The following PDE9A variants were observed in gnomAD, a reference collection of about 807,000 sequenced individuals.
PDE9A encodes phosphodiesterase 9A.
A neutral mutation model predicts 87.4 loss-of-function variants in PDE9A; 60 were observed. That is an observed-to-expected ratio of 0.69 (90% CI 0.56 to 0.85). The LOEUF (loss-of-function observed/expected upper bound fraction) is 0.85. Among genes scored for constraint, PDE9A ranks in the 40% least tolerant of loss-of-function variants. The probability of loss-of-function intolerance (pLI) is 0.00; values close to 1 mark genes in which losing one functional copy is unlikely to be tolerated. For synonymous variants in PDE9A, 272 were observed against 279.4 expected, an observed-to-expected ratio of 0.97 and a Z score of 0.27; for missense variants, 665 against 779.0, an observed-to-expected ratio of 0.85 and a Z score of 1.74.
At chr21:42,707,730 A>G (rs1055099006) in intron 4 of PDE9A, among the ~76,000 whole-genome samples, 16 of 152,170 alleles carry the variant, frequency 1.1e-4, no homozygotes, top group Non-Finnish European at 1.8e-4. Context: ...TTTGGATGAA[A>G]TAGCCTTAGG....
intron 7 of PDE9A, among the ~76,000 whole-genome samples, chr21:42,742,457 CTTTTTTTT>C (rs60925435): frequency 1.3e-3 from 94 of 71,542 alleles, no homozygotes; most frequent in African/African-American, 6.3e-3. Flanking sequence ...AAGCTGTCTG[CTTTTTTTT>C]TTTTTTTTTT....
intron 7 of PDE9A, among the ~76,000 whole-genome samples, chr21:42,738,359 A>G (rs1253682583): frequency 2.0e-5 from 3 of 152,198 alleles, no homozygotes; most frequent in Non-Finnish European, 2.9e-5. Flanking sequence ...ACACAACTCT[A>G]TTCATACATG....
rs543839525 is a variant in PDE9A at position 42,698,295 on chromosome 21, T to C, written c.219-673T>C. Among the ~76,000 whole-genome samples the C allele has an allele frequency of 1.2e-4, 18 of 152,336 alleles. No individual in the cohort carries two copies. The South Asian group carries it at 3.7e-3, about 32-fold the overall frequency. ...AACTGCTGGGTCAAGGAATAGCATC[T>C]GCCTGGGGTTAGCCTCACTTGTGTG... On this transcript the variant is annotated intron_variant, in intron 3 of 19. Transcript: ENST00000291539.
Position 42,687,904 on chromosome 21 carries a change from G to A in PDE9A, c.141-13G>A. ...ACTATGGGCGAAAACACGGGCTTGG[G>A]TGTGTTTTCCAGGAACACGACCATC... On this transcript the variant is annotated splice_polypyrimidine_tract_variant and intron_variant, in intron 2 of 19. Transcript: ENST00000291539. 1 of 1,611,836 alleles carries A rather than the reference G, an allele frequency of 6.2e-7. No individual in the cohort carries two copies. Among genetic ancestry groups the A allele is most frequent in the Non-Finnish European group, 8.5e-7 (1 of 1,178,848 alleles).
chr21:42,686,115 C>T, intron 1 of PDE9A, 77 bp from the exon 2 acceptor site: 3 of 1,038,050 alleles, frequency 2.9e-6, no homozygotes, highest in Admixed American at 3.5e-5. Context: ...GGAGCCGAAG[C>T]GGAAGCACGT....
rs771702061 is a variant in PDE9A, at chr21:42,769,077, A to G, written c.1512A>G (p.Arg504=). ...EGLPVAPFMD[R]DKVTKATAQI... is the part of the protein sequence containing the mutation. The stretch of plus-strand genomic sequence containing the variant: ...TTCCTGTGGCACCGTTCATGGACCG[A>G]GACAAAGTGACCAAGGCCACAGCCC... The change falls in exon 17 of 20, where the codon CGA becomes CGG. Residue 504 remains arginine (R), a synonymous_variant. Transcript: ENST00000291539. 3.7e-6 allele frequency: 6 copies of G among 1,613,892 alleles called. No homozygotes were observed. The highest frequency in any genetic ancestry group is 4.2e-6 in the Non-Finnish European group (5 of 1,179,816).
intron 1 of PDE9A, among the ~76,000 whole-genome samples, chr21:42,657,677 C>T (rs1462146437): frequency 6.6e-6 from 1 of 152,186 alleles, no homozygotes; most frequent in African/African-American, 2.4e-5. Context: ...TCTTCCGAAT[C>T]GGGGAAGAGA....
At chr21:42,703,836 A>C (rs2048584853) in intron 4 of PDE9A, among the ~76,000 whole-genome samples, 1 of 152,212 alleles carries the variant, frequency 6.6e-6, no homozygotes, top group Non-Finnish European at 1.5e-5. Flanking sequence ...ATCCTGAGAA[A>C]CACAAAGGCT....
chr21:42,738,971 A>T (rs914011544), intron 7 of PDE9A, among the ~76,000 whole-genome samples: 4 of 152,188 alleles, frequency 2.6e-5, no homozygotes, highest in Non-Finnish European at 4.4e-5. Context: ...GATTATAGGC[A>T]TGAGCCACTG....
intron 4 of PDE9A, among the ~76,000 whole-genome samples, chr21:42,706,195 G>A (rs897753499): frequency 2.6e-5 from 4 of 152,190 alleles, no homozygotes; most frequent in Admixed American, 2.0e-4. Context: ...CAGTCCAGCC[G>A]CAGTCCAGAT....
At position 42,720,607 on chromosome 21, in the gene PDE9A, G is replaced by A. The variant is rs542384126; in HGVS notation, c.263-11163G>A. On this transcript the variant is annotated intron_variant, in intron 4 of 19. Coordinates refer to ENST00000291539, the MANE Select transcript of PDE9A (RefSeq NM_002606.3). Reference sequence around the variant, plus strand: ...GGGAAAGTAAGTGCAGCTCTGTCCCGTCTTTGCAGCTCTAAATAGGAACAT... The same window carrying A: ...GGGAAAGTAAGTGCAGCTCTGTCCCATCTTTGCAGCTCTAAATAGGAACAT... Among the ~76,000 whole-genome samples the A allele has an allele frequency of 3.9e-5, 6 of 152,302 alleles. 1 individual carries two copies. The highest frequency in any genetic ancestry group is 2.0e-4 in the Admixed American group (3 of 15,298).
At position 42,722,856 on chromosome 21, in the gene PDE9A, C is replaced by G. The variant is rs2094008617; in HGVS notation, c.263-8914C>G. Among the ~76,000 whole-genome samples the G allele has an allele frequency of 6.6e-6, 1 of 152,240 alleles. No individual in the cohort carries two copies. Among genetic ancestry groups the G allele is most frequent in the South Asian group, 2.1e-4 (1 of 4,834 alleles). On this transcript the variant is annotated intron_variant, in intron 4 of 19. Transcript: ENST00000291539. The surrounding 1 kb of genome is among the most constrained non-coding windows in gnomAD (Gnocchi z 4.1). ...GCTAGCAATCAGTGAAATCAAATTT[C>G]ATGTCATTCTGCACTGGGTAGACTC...
Position 42,678,084 on chromosome 21 carries a change from G to A in PDE9A, c.70-8108G>A, listed in dbSNP as rs113237710. On this transcript the variant is annotated intron_variant, in intron 1 of 19. Transcript: ENST00000291539. ...GACAAACCCAGCAAGAAATATTCGC[G>A]GCAGCTGCAAGGAAGCTCCTCAAAT... Among the ~76,000 whole-genome samples, 1,405 of 152,304 alleles carry A rather than the reference G, an allele frequency of 9.2e-3. 17 individuals are homozygous for A. Among genetic ancestry groups the A allele is most frequent in the African/African-American group, 0.032 (1,316 of 41,560 alleles).
chr21:42,765,348 C>A (rs1429026743), intron 14 of PDE9A, 33 bp from the exon 15 acceptor site: 2 of 1,255,562 alleles, frequency 1.6e-6, no homozygotes, highest in South Asian at 1.3e-5. Context: ...TCAGACTATA[C>A]CCGTGTTAAC....
rs1569227268 is a variant in PDE9A at position 42,739,953 on chromosome 21, C to T, written c.569-3823C>T. Among the ~76,000 whole-genome samples the T allele has an allele frequency of 2.0e-5, 3 of 152,024 alleles. No homozygotes were observed. In the South Asian group the frequency reaches 6.2e-4, roughly 32 times the overall value. ...AGAAAAACGTGAGCTGCGACAGCAG[C>T]CACTAACATGGGGAAGGGCCGTGAC... On this transcript the variant is annotated intron_variant, in intron 7 of 19. Coordinates refer to ENST00000291539, the MANE Select transcript of PDE9A (RefSeq NM_002606.3). This position sits in a 1 kb window ranked among gnomAD's most constrained non-coding sequence, Gnocchi z 4.1.
At chr21:42,756,598 G>A (rs900337876) in intron 10 of PDE9A, among the ~76,000 whole-genome samples, 19 of 151,932 alleles carry the variant, frequency 1.3e-4, no homozygotes, top group African/African-American at 4.4e-4. Flanking sequence ...TCTATCCTCC[G>A]AGGGCCCAGG....
intron 4 of PDE9A, among the ~76,000 whole-genome samples, chr21:42,715,002 C>A (rs1313664726): frequency 6.6e-6 from 1 of 152,178 alleles, no homozygotes; most frequent in Non-Finnish European, 1.5e-5. Context: ...GGGGTTAGCT[C>A]TACCACGTTG....
At chr21:42,763,624 G>C (rs546932850) in intron 14 of PDE9A, among the ~76,000 whole-genome samples, 3 of 152,196 alleles carry the variant, frequency 2.0e-5, no homozygotes, top group Non-Finnish European at 4.4e-5. Flanking sequence ...CGCCTAGTTT[G>C]TGGTACTTTG....
intron 1 of PDE9A, among the ~76,000 whole-genome samples, chr21:42,657,075 G>A (rs2057131834): frequency 1.3e-5 from 2 of 152,244 alleles, no homozygotes; most frequent in African/African-American, 2.4e-5. Flanking sequence ...AGCCCCGTGT[G>A]GGGCCTGATG....
Sources: allele counts gnomAD v4.1 joint callset (sites outside exome capture counted in the v4.1 genomes callset), GRCh38; gene constraint gnomAD v4.1.1; non-coding constraint Gnocchi (gnomAD v3.1); transcripts MANE v1.5; gene names NCBI Gene and HGNC (gene_info 2026-07-23, HGNC 2026-07-21).